The following RTN4 variants were observed in gnomAD, a reference collection of about 807,000 sequenced individuals.
RTN4 encodes the protein reticulon-4.
A neutral mutation model predicts 90.4 loss-of-function variants in RTN4; 32 were observed. That is an observed-to-expected ratio of 0.35 (90% CI 0.27 to 0.48). RTN4 has a LOEUF of 0.48. Among genes scored for constraint, RTN4 ranks in the 20% least tolerant of loss-of-function variants. The pLI is 0.99. For synonymous variants in RTN4, 629 were observed against 552.5 expected (o/e 1.14, Z -1.94); for missense variants, 1,706 against 1,430.2 (o/e 1.19, Z -3.11).
intron 1 of RTN4, among the ~76,000 whole-genome samples, chr2:55,092,217 G>T (rs1668951600): frequency 1.3e-5 from 2 of 151,200 alleles, no homozygotes; most frequent in African/African-American, 2.4e-5. Flanking sequence ...CTCAATGAAG[G>T]GAGAGATTTT....
At chr2:55,062,764 C>T (rs1668323520) in intron 2 of RTN4, among the ~76,000 whole-genome samples, 1 of 152,150 alleles carries the variant, frequency 6.6e-6, no homozygotes, top group African/African-American at 2.4e-5. Flanking sequence ...TGTTTGGCAC[C>T]TTATGAATGT....
chr2:55,028,183 A>G lies in RTN4; in HGVS notation c.594T>C (p.Pro198=). ...ACTTGCCTGCAGAGGAGCGTATCAC[A>G]GGCTCAGATGCAGCAGGAAGAGCAA... ...TLFALPAASE[P]VIRSSAENMD... Residue 198 remains proline, a synonymous_variant, in exon 2 of 9, where the codon CCT becomes CCC. Transcript: ENST00000337526. 2 of 1,613,032 alleles carry G rather than the reference A, an allele frequency of 1.2e-6. No individual in the cohort carries two copies. Among genetic ancestry groups the G allele is most frequent in the South Asian group, 2.2e-5 (2 of 90,980 alleles).
intron 1 of RTN4, among the ~76,000 whole-genome samples, chr2:55,044,349 C>A (rs1683274112): frequency 6.6e-6 from 1 of 152,032 alleles, no homozygotes; most frequent in African/African-American, 2.4e-5. Context: ...CATAATCATG[C>A]CACTGCACTC....
At position 55,025,743 on chromosome 2, in the gene RTN4, C is replaced by T. The variant is rs563385507; in HGVS notation, c.2356G>A (p.Glu786Lys). The T allele has an allele frequency of 1.1e-5, 17 of 1,613,472 alleles. No homozygotes were observed. The highest frequency in any genetic ancestry group is 4.0e-5 in the African/African-American group (3 of 74,962). ...TCAGGTGGCAAAGCACTGAGTTTTT[C>T]CTTATTTTCATATTCTATCATTGAC... ...FESMIEYENKEKLSALPPEGG... is the reference protein window; with the variant it reads ...FESMIEYENKKKLSALPPEGG... Residue 786 changes from glutamate to lysine, a missense_variant, in exon 3 of 9, where the codon GAA becomes AAA. Physicochemically the swap from Glu to Lys is moderately conservative, Grantham distance 56 (BLOSUM62 1). Coordinates refer to ENST00000337526, the MANE Select transcript of RTN4 (RefSeq NM_020532.5).
intron 3 of RTN4, among the ~76,000 whole-genome samples, chr2:55,017,931 G>A (rs1034259851): frequency 1.3e-5 from 2 of 152,160 alleles, no homozygotes; most frequent in African/African-American, 4.8e-5. Context: ...GACAATAACT[G>A]CTTATTCCAA....
At chr2:55,088,336 A>G (rs1434937881) in intron 1 of RTN4, among the ~76,000 whole-genome samples, 1 of 152,256 alleles carries the variant, frequency 6.6e-6, no homozygotes, top group African/African-American at 2.4e-5. Flanking sequence ...CTGGAGATAC[A>G]TAGTTTGTTT....
At chr2:55,066,435 C>T (rs1668395407) in intron 2 of RTN4, among the ~76,000 whole-genome samples, 1 of 152,044 alleles carries the variant, frequency 6.6e-6, no homozygotes, top group Non-Finnish European at 1.5e-5. Flanking sequence ...TGGCTCACAC[C>T]TGTAATCCCA....
chr2:55,103,537 T>C (rs1359183028), intron 1 of RTN4, among the ~76,000 whole-genome samples: 1 of 151,920 alleles, frequency 6.6e-6, no homozygotes. Context: ...GGAGAAAACT[T>C]TAGGAGGTGA....
At position 55,026,043 on chromosome 2, in the gene RTN4, C is replaced by T; in HGVS notation, c.2056G>A (p.Ala686Thr). 1 of 1,611,252 alleles carries T rather than the reference C, an allele frequency of 6.2e-7. No homozygotes were observed. The highest frequency in any genetic ancestry group is 8.5e-7 in the Non-Finnish European group (1 of 1,179,352). The change falls in exon 3 of 9, where the codon GCT becomes ACT. Residue 686 changes from alanine to threonine, a missense_variant. Physicochemically the swap from Ala to Thr is moderately conservative, Grantham distance 58. Transcript: ENST00000337526. ...EIKEPENINAALQETEAPYIS... is the reference protein window; with the variant it reads ...EIKEPENINATLQETEAPYIS... ...TAAGGAGCTTCTGTTTCTTGAAGAG[C>T]TGCATTAATATTTTCAGGCTCTTTA...
At position 54,990,681 on chromosome 2, in the gene RTN4, T is replaced by C. The variant is rs185296184; in HGVS notation, c.3014-2983A>G. Among the ~76,000 whole-genome samples, 122 of 152,308 alleles carry C rather than the reference T, an allele frequency of 8.0e-4. 1 individual carries two copies. Among genetic ancestry groups the C allele is most frequent in the African/African-American group, 2.5e-3 (105 of 41,560 alleles). Reference sequence around the variant, plus strand: ...TAAACATGTTACTTTATAAACCATATGGGAAAGAATTTTAAAGCTTATCTA... The same window carrying C: ...TAAACATGTTACTTTATAAACCATACGGGAAAGAATTTTAAAGCTTATCTA... On this transcript the variant is annotated intron_variant, in intron 3 of 8. Coordinates refer to ENST00000337526, the MANE Select transcript of RTN4 (RefSeq NM_020532.5).
chr2:55,066,193 T>TTTG lies in RTN4; in HGVS notation c.-63+14295_-63+14296insCAA, dbSNP rs1558865072. Among the ~76,000 whole-genome samples, 104 of 111,036 alleles carry TTTG rather than the reference T, an allele frequency of 9.4e-4. 1 individual carries two copies. Among genetic ancestry groups the TTTG allele is most frequent in the Middle Eastern group, 5.3e-3 (1 of 188 alleles). 72.8% of individuals were successfully genotyped at this position (111,036 alleles called of 152,430 possible). A position where few individuals can be genotyped will look rare whatever the true frequency, so the allele number is the denominator to read the frequency against. Reference sequence around the variant, plus strand: ...TTTGTGTGTGTGTGTGTGTGTGTGTTTGTGTGTGTGTGTGTGTGTGTGTGT... The same window carrying TTTG: ...TTTGTGTGTGTGTGTGTGTGTGTGTTTTGTGTGTGTGTGTGTGTGTGTGTGTGT... On this transcript the variant is annotated intron_variant, in intron 2 of 3. Transcript: ENST00000427710.
intron 4 of RTN4, among the ~76,000 whole-genome samples, chr2:54,983,807 A>G (rs73936514): frequency 2.6e-5 from 4 of 152,330 alleles, no homozygotes; most frequent in Admixed American, 6.5e-5. Flanking sequence ...AAGACCTGCC[A>G]CTACCTAGCT....
intron 2 of RTN4, among the ~76,000 whole-genome samples, chr2:55,068,653 G>A (rs1668435279): frequency 8.8e-6 from 1 of 114,252 alleles, no homozygotes; most frequent in African/African-American, 3.6e-5. Flanking sequence ...TCTTTCAAGT[G>A]AAAAATGGTG....
At chr2:55,107,138 A>G (rs768986545) in intron 1 of RTN4, among the ~76,000 whole-genome samples, 3 of 152,006 alleles carry the variant, frequency 2.0e-5, no homozygotes, top group Admixed American at 6.6e-5. Context: ...AACACTTCAA[A>G]ACACTGATAT....
intron 1 of RTN4, among the ~76,000 whole-genome samples, chr2:55,034,525 G>C (rs895603502): frequency 2.0e-5 from 3 of 152,046 alleles, no homozygotes; most frequent in Non-Finnish European, 4.4e-5. Context: ...AAAATATATA[G>C]AAAAAGTAAA....
At chr2:55,125,296 G>T in the RTN4 span, among the ~76,000 whole-genome samples, 1 of 152,172 alleles carries the variant, frequency 6.6e-6, no homozygotes, top group Admixed American at 6.5e-5. Context: ...CACAGCAAAA[G>T]AAACTATCAA....
intron 3 of RTN4, among the ~76,000 whole-genome samples, chr2:54,995,082 A>G (rs139380274): frequency 0.022 from 3,324 of 152,212 alleles, 68 homozygotes; most frequent in South Asian, 0.034. Context: ...TCTACTAAAA[A>G]TACAAAAATT....
chr2:55,088,256 C>G (rs1051448977), intron 1 of RTN4, among the ~76,000 whole-genome samples: 2 of 152,096 alleles, frequency 1.3e-5, no homozygotes, highest in East Asian at 3.8e-4. Context: ...TATTCATGGA[C>G]GTAGGGAAGG....
At chr2:55,127,261 T>A in the RTN4 span, among the ~76,000 whole-genome samples, 1 of 152,202 alleles carries the variant, frequency 6.6e-6, no homozygotes, top group Non-Finnish European at 1.5e-5. Flanking sequence ...CCGCTGTTCT[T>A]CAGAACAAGA....
Sources: allele counts gnomAD v4.1 joint callset (sites outside exome capture counted in the v4.1 genomes callset), GRCh38; gene constraint gnomAD v4.1.1; transcripts MANE v1.5; gene names NCBI Gene and HGNC (gene_info 2026-07-23, HGNC 2026-07-21).